PHF5A: variants seen among roughly 807,000 people sequenced by gnomAD.
PHF5A encodes PHD finger protein 5A, also known as PHD finger-like domain-containing protein 5A.
For missense variants in PHF5A, 24 were observed against 140.6 expected (o/e 0.17, Z 4.19); for synonymous variants, 52 against 46.0 (o/e 1.13, Z -0.52).
At position 41,460,552 on chromosome 22, in the gene PHF5A, A is replaced by C. The variant is rs184792276; in HGVS notation, c.244-65T>G. The C allele has an allele frequency of 2.9e-6, 4 of 1,377,190 alleles. No individual in the cohort carries two copies. In the African/African-American group the frequency reaches 5.7e-5, roughly 20 times the overall value. The allele number at this position is 1,377,190 out of a possible 1,614,324, so 85.3% of individuals were successfully genotyped here. On this transcript the variant is annotated intron_variant, in intron 3 of 3. Transcript: ENST00000216252. The stretch of plus-strand genomic sequence containing the variant: ...TGAACCAAGAGTGACTTAAGATAAA[A>C]AATTTAAGCCCAGTGTGGTAGCATG...
intron 3 of PHF5A, among the ~76,000 whole-genome samples, chr22:41,467,165 CG>C (rs2037873239): frequency 6.6e-6 from 1 of 152,012 alleles, no homozygotes; most frequent in Non-Finnish European, 1.5e-5. Flanking sequence ...CACGCCCAGC[CG>C]GATGTCATTT....
At chr22:41,461,813 C>T (rs796731971) in intron 3 of PHF5A, among the ~76,000 whole-genome samples, 6 of 152,158 alleles carry the variant, frequency 3.9e-5, no homozygotes, top group Admixed American at 2.0e-4. Context: ...CATGCACCCG[C>T]GACCATGCCC....
intron 3 of PHF5A, among the ~76,000 whole-genome samples, chr22:41,465,122 G>T (rs2037855693): frequency 6.6e-6 from 1 of 152,066 alleles, no homozygotes; most frequent in Admixed American, 6.6e-5. Context: ...TATGTTTTTG[G>T]TACTTCAGGA....
chr22:41,464,795 C>A (rs756217792), intron 3 of PHF5A, among the ~76,000 whole-genome samples: 9 of 152,202 alleles, frequency 5.9e-5, no homozygotes, highest in Non-Finnish European at 8.8e-5. Context: ...ACTGCTGTTA[C>A]CTTATCATGC....
In PHF5A at chr22:41,468,582, G is replaced by A; in HGVS notation, c.52+20C>T. On this transcript the variant is annotated intron_variant, in intron 1 of 3. Coordinates refer to ENST00000216252, the MANE Select transcript of PHF5A (RefSeq NM_032758.4). Reference sequence around the variant, plus strand: ...AATACCACCCCTGCCCAGACAGCCAGGGGTAGGGCGCAGTCTCACCAACAC... The same window carrying A: ...AATACCACCCCTGCCCAGACAGCCAAGGGTAGGGCGCAGTCTCACCAACAC... 1 of 1,613,832 alleles carries A rather than the reference G, an allele frequency of 6.2e-7. No individual in the cohort carries two copies. Among genetic ancestry groups the A allele is most frequent in the Non-Finnish European group, 8.5e-7 (1 of 1,179,802 alleles).
chr22:41,465,155 C>G (rs2037855826), intron 3 of PHF5A, among the ~76,000 whole-genome samples: 1 of 151,870 alleles, frequency 6.6e-6, no homozygotes, highest in South Asian at 2.1e-4. Context: ...CCCTAAACAA[C>G]AGAAGATTCA....
In PHF5A at chr22:41,459,802, G is replaced by C. The variant is rs998280365; in HGVS notation, c.*596C>G. The C allele has an allele frequency of 1.3e-5, 2 of 151,664 alleles. No homozygotes were observed. Among genetic ancestry groups the C allele is most frequent in the African/African-American group, 4.8e-5 (2 of 41,280 alleles). The allele number at this position is 151,664 out of a possible 1,614,324, so 9.4% of individuals were successfully genotyped here. ...TCAAAAGGAAAATAATATGAGACTAGTGGGCTATGATGATGCCTGTGAATA... is the reference window on the plus strand; with the variant it reads ...TCAAAAGGAAAATAATATGAGACTACTGGGCTATGATGATGCCTGTGAATA... On this transcript the variant is annotated 3_prime_UTR_variant, in exon 4 of 4. Coordinates refer to ENST00000216252, the MANE Select transcript of PHF5A (RefSeq NM_032758.4).
At chr22:41,467,990 G>T in intron 2 of PHF5A, 134 bp downstream of exon 2, 1 of 909,624 alleles carries the variant, frequency 1.1e-6, no homozygotes, top group Non-Finnish European at 1.7e-6. Context: ...GGGGCCTTTG[G>T]CTAAAGTGCA....
At chr22:41,462,867 C>T (rs1168508590) in intron 3 of PHF5A, among the ~76,000 whole-genome samples, 12 of 151,358 alleles carry the variant, frequency 7.9e-5, no homozygotes, top group Admixed American at 5.3e-4. Context: ...TCTTTACTTA[C>T]GGGTTAGCTT....
At chr22:41,468,565 C>T (rs754913640) in intron 1 of PHF5A, 37 bp downstream of exon 1, 1 of 1,612,664 alleles carries the variant, frequency 6.2e-7, no homozygotes, top group East Asian at 2.2e-5. Context: ...CTAATACCAC[C>T]CCTGCCCAGA....
chr22:41,467,385 A>C, intron 3 of PHF5A, 63 bp downstream of exon 3: 3 of 1,493,750 alleles, frequency 2.0e-6, no homozygotes, highest in Non-Finnish European at 2.8e-6. Flanking sequence ...AGGAGATTGC[A>C]GTGGATGGCA....
intron 3 of PHF5A, among the ~76,000 whole-genome samples, chr22:41,463,875 C>G (rs1021245676): frequency 2.6e-5 from 4 of 151,298 alleles, no homozygotes; most frequent in Non-Finnish European, 4.4e-5. Context: ...GTCTGAGTGA[C>G]AAGAAAGAAA....
intron 3 of PHF5A, among the ~76,000 whole-genome samples, chr22:41,461,402 T>TC (rs1035759420): frequency 3.3e-5 from 5 of 151,642 alleles, no homozygotes; most frequent in Non-Finnish European, 4.4e-5. Context: ...TCTTTTTTTT[T>TC]TTTTGAGAAG....
At position 41,460,509 on chromosome 22, in the gene PHF5A, T is replaced by C. The variant is rs201069520; in HGVS notation, c.244-22A>G. 8.3e-6 allele frequency: 13 copies of C among 1,572,416 alleles called. No individual in the cohort carries two copies. In the East Asian group the frequency reaches 1.6e-4, roughly 19 times the overall value. ...CTCTCTGGAAAACAGAACAGAGAAG[T>C]TGTTAAGTCTTTGAGCCTGAACCAA... is the stretch of plus-strand genomic sequence containing the variant. On this transcript the variant is annotated intron_variant, in intron 3 of 3. Transcript: ENST00000216252.
chr22:41,465,887 T>A (rs990144017), intron 3 of PHF5A, among the ~76,000 whole-genome samples: 2 of 151,466 alleles, frequency 1.3e-5, no homozygotes, highest in East Asian at 1.9e-4. Flanking sequence ...TCTCAAAAAA[T>A]AAATAAATAA....
In PHF5A at chr22:41,467,359, A is replaced by C; in HGVS notation, c.243+89T>G. Reference sequence around the variant, plus strand: ...ACCTAGATGACTAGATGAACACAGTAATCTCCATAGACCATAGGAGATTGC... The same window carrying C: ...ACCTAGATGACTAGATGAACACAGTCATCTCCATAGACCATAGGAGATTGC... On this transcript the variant is annotated intron_variant, in intron 3 of 3. Transcript: ENST00000216252. 4 of 1,276,830 alleles carry C rather than the reference A, an allele frequency of 3.1e-6. No individual in the cohort carries two copies. The South Asian group carries it at 5.6e-5, about 18-fold the overall frequency. The allele number at this position is 1,276,830 out of a possible 1,614,324, so 79.1% of individuals were successfully genotyped here. A position where few individuals can be genotyped will look rare whatever the true frequency, so the allele number is the denominator to read the frequency against.
In PHF5A at chr22:41,468,107, C is replaced by A. The variant is rs1196677718; in HGVS notation, c.76+17G>T. On this transcript the variant is annotated intron_variant, in intron 2 of 3. Coordinates refer to ENST00000216252, the MANE Select transcript of PHF5A (RefSeq NM_032758.4). ...GAGTGGGAAGGGTGGGTTGTTGGGA[C>A]GGTGTGTTCCACTCACATTTTTCAC... The A allele has an allele frequency of 1.2e-6, 2 of 1,613,348 alleles. No individual in the cohort carries two copies. Among genetic ancestry groups the A allele is most frequent in the South Asian group, 2.2e-5 (2 of 91,050 alleles).
intron 3 of PHF5A, among the ~76,000 whole-genome samples, chr22:41,465,614 G>T (rs2037860059): frequency 1.3e-5 from 2 of 151,954 alleles, no homozygotes; most frequent in South Asian, 4.2e-4. Flanking sequence ...AGGCGTGATG[G>T]CTCACGCCTG....
intron 3 of PHF5A, among the ~76,000 whole-genome samples, chr22:41,465,061 T>G (rs920716340): frequency 3.3e-5 from 5 of 152,200 alleles, no homozygotes; most frequent in Non-Finnish European, 7.3e-5. Context: ...GACTTGATAG[T>G]TGAAGGTAAA....
Sources: allele counts gnomAD v4.1 joint callset (sites outside exome capture counted in the v4.1 genomes callset), GRCh38; gene constraint gnomAD v4.1.1; transcripts MANE v1.5; gene names NCBI Gene and HGNC (gene_info 2026-07-23, HGNC 2026-07-21).